The following IGSF21 variants were observed in gnomAD, a reference collection of about 807,000 sequenced individuals.
IGSF21 encodes the protein immunoglobulin superfamily member 21.
Under a neutral mutation model 46.8 loss-of-function variants are expected in IGSF21, and 28 were observed. That is an observed-to-expected ratio of 0.60 (90% confidence interval 0.44 to 0.82). The LOEUF is 0.82. Ranked by LOEUF, IGSF21 falls within the 40% of genes least tolerant of loss-of-function variation. The pLI, the probability that IGSF21 is intolerant of heterozygous loss-of-function variation, is 0.00. For synonymous variants in IGSF21, 284 were observed against 273.6 expected, an observed-to-expected ratio of 1.04 and a Z score of -0.38; for missense variants, 624 against 665.5, an observed-to-expected ratio of 0.94 and a Z score of 0.69.
At chr1:18,368,555 A>C in intron 6 of IGSF21, among the ~76,000 whole-genome samples, 1 of 73,192 alleles carries the variant, frequency 1.4e-5, no homozygotes, top group Non-Finnish European at 3.2e-5. Flanking sequence ...TATTACAAGC[A>C]TCACAAGGCC....
At chr1:18,194,372 G>A (rs769937888) in intron 1 of IGSF21, among the ~76,000 whole-genome samples, 1 of 152,136 alleles carries the variant, frequency 6.6e-6, no homozygotes, top group Non-Finnish European at 1.5e-5. Context: ...TCATAGACTG[G>A]GTGGCTTAGA....
At chr1:18,180,070 G>A (rs931814373) in intron 1 of IGSF21, among the ~76,000 whole-genome samples, 2 of 152,144 alleles carry the variant, frequency 1.3e-5, no homozygotes, top group African/African-American at 4.8e-5. Flanking sequence ...CTTTTGGATC[G>A]AAATAGCCCC....
chr1:18,134,436 T>C (rs2086350280), intron 1 of IGSF21, among the ~76,000 whole-genome samples: 1 of 152,164 alleles, frequency 6.6e-6, no homozygotes, highest in African/African-American at 2.4e-5. Flanking sequence ...CTGGTTCTTC[T>C]CTGTGACCAG....
chr1:18,192,067 G>A (rs933295884), intron 1 of IGSF21, among the ~76,000 whole-genome samples: 1 of 152,198 alleles, frequency 6.6e-6, no homozygotes, highest in Non-Finnish European at 1.5e-5. Flanking sequence ...TCAGATGGCA[G>A]AAGAGCCCAG....
chr1:18,377,260 C>G (rs549167170), intron 8 of IGSF21, 133 bp from the exon 9 acceptor site: 1 of 900,004 alleles, frequency 1.1e-6, no homozygotes, highest in Admixed American at 1.8e-5. Flanking sequence ...TATCCAGCTC[C>G]CCTGAAGGTT....
chr1:18,173,508 A>G (rs1397274410), intron 1 of IGSF21, among the ~76,000 whole-genome samples: 1 of 152,012 alleles, frequency 6.6e-6, no homozygotes, highest in Non-Finnish European at 1.5e-5. Context: ...CCAGGCAACC[A>G]CCCACCTGCT....
rs2085061778 is a variant in IGSF21 at position 18,273,331 on chromosome 1, A to ATTCATTTCCTTTCCT, written c.184-18532_184-18531insATTTCCTTTCCTTTC. Among the ~76,000 whole-genome samples, 364 of 54,168 alleles carry ATTCATTTCCTTTCCT rather than the reference A, an allele frequency of 6.7e-3. 29 individuals are homozygous for ATTCATTTCCTTTCCT. The highest frequency in any genetic ancestry group is 0.027 in the South Asian group (36 of 1,342). 35.5% of individuals were successfully genotyped at this position (54,168 alleles called of 152,430 possible). On this transcript the variant is annotated intron_variant, in intron 2 of 9. Coordinates refer to ENST00000251296, the MANE Select transcript of IGSF21 (RefSeq NM_032880.5). ...ACTGGGATTACAGGCATGAGCCACC[A>ATTCATTTCCTTTCCT]TTCCTTTCCTTTCCTTTCCTTTCCT...
chr1:18,281,230 G>A (rs1407221726), intron 2 of IGSF21, among the ~76,000 whole-genome samples: 1 of 92,756 alleles, frequency 1.1e-5, no homozygotes, highest in Non-Finnish European at 2.4e-5. Flanking sequence ...TGAGGTCACT[G>A]GGGTTACAGG....
chr1:18,154,482 C>G (rs750147779), intron 1 of IGSF21, among the ~76,000 whole-genome samples: 4 of 152,064 alleles, frequency 2.6e-5, no homozygotes, highest in Non-Finnish European at 5.9e-5. Context: ...TGGGATCACC[C>G]CTGTCACCCC....
chr1:18,317,084 G>A (rs1015687705), intron 3 of IGSF21, among the ~76,000 whole-genome samples: 1 of 152,160 alleles, frequency 6.6e-6, no homozygotes, highest in Non-Finnish European at 1.5e-5. Flanking sequence ...TGTACCCTAG[G>A]TTTCTCATTG....
intron 4 of IGSF21, among the ~76,000 whole-genome samples, chr1:18,352,965 C>A (rs1011967612): frequency 6.6e-6 from 1 of 152,164 alleles, no homozygotes; most frequent in Admixed American, 6.5e-5. Flanking sequence ...GGGCCCCCCA[C>A]CCCTCGCCAC....
At chr1:18,371,743 T>C (rs578043871) in intron 6 of IGSF21, among the ~76,000 whole-genome samples, 1 of 152,194 alleles carries the variant, frequency 6.6e-6, no homozygotes, top group South Asian at 2.1e-4. Flanking sequence ...GCTCGAGTCC[T>C]CTACTCAGAG....
chr1:18,242,438 T>A (rs2084741017), intron 2 of IGSF21, among the ~76,000 whole-genome samples: 1 of 152,210 alleles, frequency 6.6e-6, no homozygotes, highest in Non-Finnish European at 1.5e-5. Context: ...GATACCATTC[T>A]TCAAGAAAGG....
chr1:18,186,056 G>A (rs2086900178), intron 1 of IGSF21, among the ~76,000 whole-genome samples: 1 of 152,222 alleles, frequency 6.6e-6, no homozygotes, highest in Non-Finnish European at 1.5e-5. Flanking sequence ...ATAAGTGTGA[G>A]TGGCAGTGAG....
chr1:18,201,226 G>A (rs2124483031), intron 1 of IGSF21, among the ~76,000 whole-genome samples: 1 of 152,280 alleles, frequency 6.6e-6, no homozygotes, highest in Middle Eastern at 3.4e-3. Flanking sequence ...CTGAGCGCGT[G>A]CTCAGGGAAG....
intron 4 of IGSF21, among the ~76,000 whole-genome samples, chr1:18,359,395 G>GA (rs1557659688): frequency 1.3e-5 from 1 of 78,690 alleles, no homozygotes; most frequent in African/African-American, 5.6e-5. Context: ...AGGAAGGAAG[G>GA]AAGGAAGGAA....
At chr1:18,270,140 T>C (rs962280962) in intron 2 of IGSF21, among the ~76,000 whole-genome samples, 1 of 152,180 alleles carries the variant, frequency 6.6e-6, no homozygotes, top group Non-Finnish European at 1.5e-5. Flanking sequence ...CATTCTGCCT[T>C]CACAGCATTT....
At chr1:18,251,568 G>A (rs2084842303) in intron 2 of IGSF21, among the ~76,000 whole-genome samples, 1 of 152,120 alleles carries the variant, frequency 6.6e-6, no homozygotes, top group Non-Finnish European at 1.5e-5. Flanking sequence ...TGCTCTTATG[G>A]GCCAGTCTGG....
chr1:18,163,509 G>T (rs2086648483), intron 1 of IGSF21, among the ~76,000 whole-genome samples: 1 of 152,156 alleles, frequency 6.6e-6, no homozygotes, highest in Non-Finnish European at 1.5e-5. Context: ...ATTTGCACAG[G>T]GTTAGAGCAG....
Sources: gnomAD v4.1 joint callset for allele counts (sites outside exome capture counted in the v4.1 genomes callset) on GRCh38, gnomAD v4.1.1 for gene constraint, MANE v1.5 for transcripts, NCBI Gene and HGNC (gene_info 2026-07-23, HGNC 2026-07-21) for gene names.